Variants in RANBP17 observed in about 807,000 individuals in gnomAD.
RANBP17 encodes ran-binding protein 17.
A neutral mutation model predicts 141.2 loss-of-function variants in RANBP17; 158 were observed. The ratio of observed to expected loss-of-function variants is 1.12; its 90% CI spans 0.98 to 1.28. The LOEUF (loss-of-function observed/expected upper bound fraction) is 1.28, where lower values mean the gene tolerates loss of function less well. Ranked by LOEUF, RANBP17 falls within the 50% of genes most tolerant of loss-of-function variation. The pLI, the probability that RANBP17 is intolerant of heterozygous loss-of-function variation, is 0.00. For missense variants in RANBP17, 1,438 were observed against 1,290.7 expected, an observed-to-expected ratio of 1.11 and a Z score of -1.75; for synonymous variants, 430 against 450.0, an observed-to-expected ratio of 0.96 and a Z score of 0.56.
chr5:170,926,518 G>T (rs1197822463), intron 12 of RANBP17, among the ~76,000 whole-genome samples: 8 of 151,948 alleles, frequency 5.3e-5, no homozygotes, highest in Admixed American at 5.2e-4. Flanking sequence ...TCACTGATTT[G>T]TAGGAGTCTT....
chr5:170,943,647 TTATAGA>T (rs776507273), intron 12 of RANBP17, among the ~76,000 whole-genome samples: 2 of 152,126 alleles, frequency 1.3e-5, no homozygotes, highest in Non-Finnish European at 2.9e-5. Context: ...TTAAAAAAAA[TTATAGA>T]TATGAAACTT....
At chr5:170,974,002 A>G (rs1034832255) in intron 14 of RANBP17, among the ~76,000 whole-genome samples, 2 of 152,170 alleles carry the variant, frequency 1.3e-5, no homozygotes, top group African/African-American at 2.4e-5. Flanking sequence ...CAGGGACACA[A>G]ACATTCAGAC....
intron 14 of RANBP17, among the ~76,000 whole-genome samples, chr5:171,012,378 AG>A (rs146414633): frequency 0.012 from 1,828 of 151,140 alleles, 39 homozygotes; most frequent in African/African-American, 0.043. Context: ...TATTTATCCA[AG>A]GTAAAATTCT....
chr5:171,065,573 G>A (rs932947404), intron 14 of RANBP17, among the ~76,000 whole-genome samples: 9 of 151,840 alleles, frequency 5.9e-5, no homozygotes, highest in Middle Eastern at 3.2e-3. Context: ...ATGGCCCAGG[G>A]CTTTGGGATC....
At chr5:170,870,596 A>G (rs1365917586) in intron 1 of RANBP17, among the ~76,000 whole-genome samples, 1 of 152,158 alleles carries the variant, frequency 6.6e-6, no homozygotes, top group Non-Finnish European at 1.5e-5. Flanking sequence ...TATATGTACC[A>G]CATTTTCTTT....
intron 14 of RANBP17, among the ~76,000 whole-genome samples, chr5:171,017,687 T>C (rs1561992068): frequency 6.6e-6 from 1 of 152,220 alleles, no homozygotes; most frequent in Admixed American, 6.5e-5. Context: ...ACAAAAATTT[T>C]CTCCCATCTA....
chr5:171,137,571 G>GGGGTGTGTGTGT (rs757634108), intron 14 of RANBP17, among the ~76,000 whole-genome samples: 3 of 63,054 alleles, frequency 4.8e-5, no homozygotes, highest in African/African-American at 1.5e-4. Flanking sequence ...GTTGACTTGA[G>GGGGTGTGTGTGT]ATGTGTGTGT....
intron 14 of RANBP17, chr5:171,158,303 G>A (rs1049342348): frequency 5.5e-6 from 1 of 180,186 alleles, no homozygotes; most frequent in Admixed American, 6.3e-5. Flanking sequence ...AGCACATTTG[G>A]CATACTTATT....
chr5:170,866,721 A>C (rs1767293244), intron 1 of RANBP17: 1 of 152,170 alleles, frequency 6.6e-6, no homozygotes, highest in South Asian at 2.1e-4. Flanking sequence ...AGCATGTTCA[A>C]TTCTGTTTGT....
intron 14 of RANBP17, among the ~76,000 whole-genome samples, chr5:170,987,084 G>A (rs1778193427): frequency 6.6e-6 from 1 of 151,750 alleles, no homozygotes; most frequent in African/African-American, 2.4e-5. Flanking sequence ...TTCATACATA[G>A]AATTTTCACT....
intron 20 of RANBP17, chr5:171,205,981 G>A (rs912864150): frequency 2.7e-6 from 1 of 366,566 alleles, no homozygotes; most frequent in African/African-American, 2.1e-5. Flanking sequence ...TAGCAAGGCT[G>A]GGAAGATCAT....
intron 20 of RANBP17, among the ~76,000 whole-genome samples, chr5:171,211,086 C>T (rs1490951296): frequency 6.7e-6 from 1 of 149,934 alleles, no homozygotes; most frequent in African/African-American, 2.5e-5. Flanking sequence ...GTATCTACAT[C>T]TATCAAAAAT....
chr5:171,184,818 TTA>T (rs1474250418), intron 18 of RANBP17, among the ~76,000 whole-genome samples: 1 of 152,190 alleles, frequency 6.6e-6, no homozygotes, highest in East Asian at 1.9e-4. Context: ...CTGTAGTCTA[TTA>T]AGTGTGTAAT....
chr5:171,233,946 G>T (rs1317918007), intron 22 of RANBP17, among the ~76,000 whole-genome samples: 2 of 152,258 alleles, frequency 1.3e-5, no homozygotes, highest in African/African-American at 4.8e-5. Context: ...CCACTCTAGT[G>T]GGGGATGTTG....
At chr5:171,092,404 C>T (rs531930332) in intron 14 of RANBP17, among the ~76,000 whole-genome samples, 2 of 152,138 alleles carry the variant, frequency 1.3e-5, no homozygotes, top group East Asian at 1.9e-4. Flanking sequence ...TTGTGAGTGA[C>T]GCTCTGTGTT....
chr5:170,988,196 G>A (rs56848154), intron 14 of RANBP17, among the ~76,000 whole-genome samples: 4,040 of 151,096 alleles, frequency 0.027, 158 homozygotes, highest in African/African-American at 0.092. Flanking sequence ...TTCGGTATCT[G>A]TGGATAAATG....
At chr5:171,198,022 G>A (rs999986841) in intron 18 of RANBP17, among the ~76,000 whole-genome samples, 1 of 152,226 alleles carries the variant, frequency 6.6e-6, no homozygotes, top group African/African-American at 2.4e-5. Context: ...CTGGATGACA[G>A]AGCAAGACTC....
intron 14 of RANBP17, among the ~76,000 whole-genome samples, chr5:171,100,158 G>A (rs1787040350): frequency 6.6e-6 from 1 of 152,118 alleles, no homozygotes; most frequent in South Asian, 2.1e-4. Flanking sequence ...TCTATTGTTT[G>A]GAATCGTTTC....
At chr5:171,043,650 G>C (rs1001872945) in intron 14 of RANBP17, among the ~76,000 whole-genome samples, 4 of 152,126 alleles carry the variant, frequency 2.6e-5, no homozygotes, top group African/African-American at 9.7e-5. Context: ...CTGATAATTA[G>C]ATGTGTGATG....
Sources: gnomAD v4.1 joint callset for allele counts (sites outside exome capture counted in the v4.1 genomes callset) on GRCh38, gnomAD v4.1.1 for gene constraint, MANE v1.5 for transcripts, NCBI Gene and HGNC (gene_info 2026-07-23, HGNC 2026-07-21) for gene names.